SGCD: variants seen among roughly 807,000 people sequenced by gnomAD.
SGCD encodes the protein sarcoglycan delta, also known as delta-sarcoglycan.
SGCD carries 18 observed loss-of-function variants against 36.6 expected under a neutral mutation model. The ratio of observed to expected loss-of-function variants is 0.49; its 90% CI spans 0.34 to 0.73. SGCD has a LOEUF of 0.73. Among genes scored for constraint, SGCD ranks in the 30% least tolerant of loss-of-function variants. The pLI is 0.01. For missense variants in SGCD, 387 were observed against 346.7 expected (o/e 1.12, Z -0.92); for synonymous variants, 133 against 130.6 (o/e 1.02, Z -0.12).
intron 7 of SGCD, among the ~76,000 whole-genome samples, chr5:156,726,551 T>C (rs762230924): frequency 3.3e-5 from 5 of 152,190 alleles, no homozygotes; most frequent in African/African-American, 1.2e-4. Flanking sequence ...ACTCCTTTCT[T>C]CAGCCAACAA....
chr5:156,420,738 G>A (rs1490251637), intron 3 of SGCD, among the ~76,000 whole-genome samples: 1 of 152,104 alleles, frequency 6.6e-6, no homozygotes, highest in Non-Finnish European at 1.5e-5. Context: ...AAGACAATTA[G>A]CTGCAAGCTA....
chr5:156,636,544 T>A (rs1397868363), intron 6 of SGCD, among the ~76,000 whole-genome samples: 1 of 152,048 alleles, frequency 6.6e-6, no homozygotes, highest in Non-Finnish European at 1.5e-5. Context: ...CAGGGAGCAA[T>A]TGGTGATAAC....
intron 1 of SGCD, among the ~76,000 whole-genome samples, chr5:156,026,721 TC>T (rs1561687196): frequency 6.6e-6 from 1 of 152,132 alleles, no homozygotes; most frequent in Non-Finnish European, 1.5e-5. Flanking sequence ...CTAGTCACGT[TC>T]CCCAGGTAAT....
the SGCD span, among the ~76,000 whole-genome samples, chr5:155,733,910 A>G: frequency 6.6e-6 from 1 of 152,162 alleles, no homozygotes; most frequent in East Asian, 1.9e-4. Flanking sequence ...AGTGCTTAGC[A>G]TGGTGTCCTG....
intron 3 of SGCD, among the ~76,000 whole-genome samples, chr5:156,366,061 A>G (rs1277194394): frequency 6.6e-6 from 1 of 152,264 alleles, no homozygotes; most frequent in Non-Finnish European, 1.5e-5. Flanking sequence ...AGAATGTTAA[A>G]GACAAAAGCC....
chr5:156,392,895 C>T (rs1354497553), intron 3 of SGCD, among the ~76,000 whole-genome samples: 1 of 152,106 alleles, frequency 6.6e-6, no homozygotes, highest in Non-Finnish European at 1.5e-5. Context: ...TGTGCTCCTC[C>T]CAACATCCAG....
intron 3 of SGCD, among the ~76,000 whole-genome samples, chr5:156,310,253 G>C (rs1423585351): frequency 6.6e-6 from 1 of 152,180 alleles, no homozygotes; most frequent in South Asian, 2.1e-4. Flanking sequence ...TTGGTGGCGA[G>C]GCACTGGTCT....
chr5:156,675,750 T>G (rs1753481375), intron 7 of SGCD, among the ~76,000 whole-genome samples: 1 of 152,158 alleles, frequency 6.6e-6, no homozygotes, highest in African/African-American at 2.4e-5. Flanking sequence ...TGCAGTATGG[T>G]GAGAGACAGG....
chr5:156,535,647 A>G (rs1226399950), intron 4 of SGCD, among the ~76,000 whole-genome samples: 1 of 152,206 alleles, frequency 6.6e-6, no homozygotes, highest in Non-Finnish European at 1.5e-5. Context: ...AACATCATAG[A>G]GACTGCCATG....
chr5:156,346,298 A>G (rs1472607277), intron 3 of SGCD, among the ~76,000 whole-genome samples: 17 of 152,176 alleles, frequency 1.1e-4, no homozygotes, highest in South Asian at 4.1e-4. Context: ...CTTTCTTTAT[A>G]TATGTATTTA....
At chr5:155,787,142 A>G in the SGCD span, among the ~76,000 whole-genome samples, 77 of 152,180 alleles carry the variant, frequency 5.1e-4, no homozygotes, top group Middle Eastern at 3.2e-3. Flanking sequence ...TCAGGAGCTA[A>G]GTGTAATTAA....
chr5:155,960,054 G>A (rs1757759702), intron 1 of SGCD, among the ~76,000 whole-genome samples: 1 of 152,224 alleles, frequency 6.6e-6, no homozygotes, highest in South Asian at 2.1e-4. Flanking sequence ...TTCAAAAACA[G>A]TGATTTCTGT....
At chr5:156,082,511 T>C (rs1005908237) in intron 1 of SGCD, among the ~76,000 whole-genome samples, 6 of 152,222 alleles carry the variant, frequency 3.9e-5, no homozygotes, top group Admixed American at 6.5e-5. Flanking sequence ...TGGCTTTAAC[T>C]CCACATAATC....
chr5:156,485,000 T>A (rs576094604), intron 3 of SGCD, among the ~76,000 whole-genome samples: 19 of 152,348 alleles, frequency 1.2e-4, no homozygotes, highest in Non-Finnish European at 1.5e-5. Flanking sequence ...ATCTGCCATA[T>A]AACCTTTGGA....
chr5:156,117,085 A>C (rs903273876), intron 1 of SGCD, among the ~76,000 whole-genome samples: 2 of 152,062 alleles, frequency 1.3e-5, no homozygotes, highest in African/African-American at 4.8e-5. Context: ...GGTATCATAC[A>C]TAAATGATTG....
At chr5:156,051,922 G>A (rs539380934) in intron 1 of SGCD, among the ~76,000 whole-genome samples, 1 of 146,068 alleles carries the variant, frequency 6.8e-6, no homozygotes, top group South Asian at 2.2e-4. Context: ...GCTGGTGGAG[G>A]TGGAAGGCGT....
At chr5:156,318,624 C>T (rs1581239844) in intron 3 of SGCD, among the ~76,000 whole-genome samples, 1 of 149,026 alleles carries the variant, frequency 6.7e-6, no homozygotes, top group Admixed American at 6.7e-5. Flanking sequence ...CAAAGTCTCA[C>T]TCTGTCACCT....
At chr5:156,108,319 A>T (rs1187376717) in intron 1 of SGCD, among the ~76,000 whole-genome samples, 3 of 152,160 alleles carry the variant, frequency 2.0e-5, no homozygotes, top group Admixed American at 6.5e-5. Context: ...TATGTATAGG[A>T]TTTAACAGTT....
the SGCD span, among the ~76,000 whole-genome samples, chr5:155,820,929 A>C: frequency 6.6e-6 from 1 of 152,180 alleles, no homozygotes; most frequent in African/African-American, 2.4e-5. Context: ...CATAGACCAC[A>C]GAGAGAGCAT....
Sources: gnomAD v4.1 joint callset for allele counts (sites outside exome capture counted in the v4.1 genomes callset) on GRCh38, gnomAD v4.1.1 for gene constraint, MANE v1.5 for transcripts, NCBI Gene and HGNC (gene_info 2026-07-23, HGNC 2026-07-21) for gene names.